SLC37A2: variants seen among roughly 807,000 people sequenced by gnomAD.
SLC37A2 encodes glucose-6-phosphate exchanger SLC37A2.
SLC37A2 carries 59 observed loss-of-function variants against 70.7 expected under a neutral mutation model. The ratio of observed to expected loss-of-function variants is 0.83; its 90% confidence interval spans 0.68 to 1.04. The LOEUF is 1.04. SLC37A2 is among the 50% of genes least tolerant of loss of function. The pLI, the probability that SLC37A2 is intolerant of heterozygous loss-of-function variation, is 0.00. For synonymous variants in SLC37A2, 257 were observed against 262.1 expected (o/e 0.98, Z 0.19); for missense variants, 580 against 658.1 (o/e 0.88, Z 1.30).
At chr11:125,075,007 C>T (rs188396428) in intron 1 of SLC37A2, among the ~76,000 whole-genome samples, 7 of 152,268 alleles carry the variant, frequency 4.6e-5, no homozygotes, top group African/African-American at 1.4e-4. Flanking sequence ...GCTGTGTTCT[C>T]TTATCTTGTG....
chr11:125,067,624 G>C (rs985127654), intron 1 of SLC37A2, among the ~76,000 whole-genome samples: 1 of 152,096 alleles, frequency 6.6e-6, no homozygotes, highest in African/African-American at 2.4e-5. Flanking sequence ...AAATCTTTGT[G>C]GTTTTCCAGG....
chr11:125,081,740 T>C lies in SLC37A2; in HGVS notation c.733-14T>C. On this transcript the variant is annotated splice_polypyrimidine_tract_variant and intron_variant, in intron 8 of 17. Transcript: ENST00000403796. ...ATGGACGCACCCACAGCAGGGCTCA[T>C]CTCCTCTGCTCAGGGTGAGCCAGCT... The C allele has an allele frequency of 1.3e-6, 2 of 1,565,178 alleles. No homozygotes were observed. Among genetic ancestry groups the C allele is most frequent in the Non-Finnish European group, 1.7e-6 (2 of 1,153,752 alleles).
chr11:125,088,063 G>A (rs1949242223), intron 17 of SLC37A2, 56 bp from the exon 18 acceptor site: 7 of 1,544,726 alleles, frequency 4.5e-6, no homozygotes, highest in Non-Finnish European at 6.1e-6. Context: ...CTACTCAGCA[G>A]GAGCTTATGA....
intron 10 of SLC37A2, among the ~76,000 whole-genome samples, chr11:125,082,836 G>A (rs1949164893): frequency 6.6e-6 from 1 of 152,146 alleles, no homozygotes; most frequent in South Asian, 2.1e-4. Context: ...TGGATCTGCT[G>A]GGCTGCACTG....
At chr11:125,081,224 C>A (rs1214091515) in intron 7 of SLC37A2, among the ~76,000 whole-genome samples, 197 bp from the exon 8 acceptor site, 1 of 152,084 alleles carries the variant, frequency 6.6e-6, no homozygotes, top group African/African-American at 2.4e-5. Flanking sequence ...TTAGGAAAGC[C>A]AGGCCTAGAA....
chr11:125,085,620 G>A lies in SLC37A2; in HGVS notation c.1371G>A (p.Thr457=), dbSNP rs777225634. 28 of 1,613,618 alleles carry A rather than the reference G, an allele frequency of 1.7e-5. No homozygotes were observed. The Admixed American group carries it at 1.8e-4, about 11-fold the overall frequency. ...GPLLAGLISP[T]GWNNVFYMLI... ...TGCTGGCTGGGCTCATCTCCCCCAC[G>A]GGCTGGAACAATGTCTTCTACATGC... is the stretch of plus-strand genomic sequence containing the variant. The change falls in exon 16 of 18, where the codon ACG becomes ACA. Residue 457 remains threonine, a synonymous_variant. Coordinates refer to ENST00000403796, the MANE Select transcript of SLC37A2 (RefSeq NM_001145290.2).
At chr11:125,077,640 A>G (rs993776737) in intron 4 of SLC37A2, 112 bp downstream of exon 4, 6 of 763,984 alleles carry the variant, frequency 7.9e-6, no homozygotes, top group African/African-American at 1.8e-5. Flanking sequence ...TGCATGTACA[A>G]TCCACCCACA....
chr11:125,065,290 T>G (rs1295115369), intron 1 of SLC37A2, among the ~76,000 whole-genome samples: 1 of 152,252 alleles, frequency 6.6e-6, no homozygotes, highest in Admixed American at 6.5e-5. Flanking sequence ...ATAAAGCTGA[T>G]CTCATTGGAT....
At chr11:125,078,384 T>C (rs1362429181) in intron 4 of SLC37A2, among the ~76,000 whole-genome samples, 1 of 152,170 alleles carries the variant, frequency 6.6e-6, no homozygotes, top group Non-Finnish European at 1.5e-5. Context: ...AGAGTGATGC[T>C]GAGGTGGATG....
chr11:125,066,069 C>G (rs1948977372), intron 1 of SLC37A2, among the ~76,000 whole-genome samples: 2 of 152,202 alleles, frequency 1.3e-5, no homozygotes, highest in African/African-American at 4.8e-5. Context: ...CCCGCTGAAT[C>G]TTGGGTTAGC....
At chr11:125,081,317 C>A in intron 7 of SLC37A2, 104 bp from the exon 8 acceptor site, 1 of 1,193,508 alleles carries the variant, frequency 8.4e-7, no homozygotes, top group Non-Finnish European at 1.2e-6. Flanking sequence ...GGGGCTGGTT[C>A]CCGGGATGGC....
chr11:125,075,195 A>G (rs963807694), intron 1 of SLC37A2, among the ~76,000 whole-genome samples: 3 of 152,174 alleles, frequency 2.0e-5, no homozygotes, highest in Non-Finnish European at 4.4e-5. Flanking sequence ...TGCTATCTGT[A>G]GGACTGCAGG....
In SLC37A2 at chr11:125,088,333, A is replaced by G. The variant is rs1949245939; in HGVS notation, c.*199A>G. On this transcript the variant is annotated 3_prime_UTR_variant, in exon 18 of 18. Coordinates refer to ENST00000403796, the MANE Select transcript of SLC37A2 (RefSeq NM_001145290.2). The stretch of plus-strand genomic sequence containing the variant: ...AGGGGACTGCCAAGCATGAGGAAAT[A>G]GAAGATTCAGGGGCCTGAGCTCTGG... 1 of 623,048 alleles carries G rather than the reference A, an allele frequency of 1.6e-6. No homozygotes were observed. Among genetic ancestry groups the G allele is most frequent in the Non-Finnish European group, 2.8e-6 (1 of 361,134 alleles). The allele number at this position is 623,048 out of a possible 1,614,324, so 38.6% of individuals were successfully genotyped here.
rs1217778338 is a variant in SLC37A2 at position 125,080,179 on chromosome 11, G to A, written c.527+419G>A. 6.6e-6 allele frequency among the ~76,000 whole-genome samples: 1 copy of A among 152,158 alleles called. No homozygotes were observed. The highest frequency in any genetic ancestry group is 1.5e-5 in the Non-Finnish European group (1 of 68,026). ...TCCTACCACTGCAGGCTGTTTAGTA[G>A]TAGCCTTCCTGGCATCTGCTCACTG... is the stretch of plus-strand genomic sequence containing the variant. On this transcript the variant is annotated intron_variant, in intron 6 of 17. Transcript: ENST00000403796. This position sits in a 1 kb window ranked among gnomAD's most constrained non-coding sequence, Gnocchi z 4.3.
At chr11:125,075,856 C>A (rs1949080690) in intron 1 of SLC37A2, among the ~76,000 whole-genome samples, 1 of 152,196 alleles carries the variant, frequency 6.6e-6, no homozygotes, top group African/African-American at 2.4e-5. Flanking sequence ...TTTTTCCTGA[C>A]CCTTCTCCAT....
rs748871195 is a variant in SLC37A2, at chr11:125,085,625, G to A, written c.1376G>A (p.Trp459Ter). ...GCTGGGCTCATCTCCCCCACGGGCT[G>A]GAACAATGTCTTCTACATGCTCATC... Reference protein sequence around the residue: ...LLAGLISPTGWNNVFYMLISA... With the variant: ...LLAGLISPTG The change falls in exon 16 of 18, where the codon TGG becomes TAG. Residue 459 changes from tryptophan to a stop codon, truncating the protein, a stop_gained. Coordinates refer to ENST00000403796, the MANE Select transcript of SLC37A2 (RefSeq NM_001145290.2). LOFTEE classifies it high-confidence loss of function. 5.0e-6 allele frequency: 8 copies of A among 1,613,778 alleles called. No homozygotes were observed. The highest frequency in any genetic ancestry group is 5.9e-6 in the Non-Finnish European group (7 of 1,180,012).
chr11:125,084,823 A>T lies in SLC37A2; in HGVS notation c.1126-2A>T, dbSNP rs1359596815. The T allele has an allele frequency of 6.2e-7, 1 of 1,613,360 alleles. No homozygotes were observed. Among genetic ancestry groups the T allele is most frequent in the Admixed American group, 1.7e-5 (1 of 59,954 alleles). ...CTCTGCCTCTCCCCTCTCCTCTCTCAGATGTTCCTGTACAACTACATTGGC... is the reference window on the plus strand; with the variant it reads ...CTCTGCCTCTCCCCTCTCCTCTCTCTGATGTTCCTGTACAACTACATTGGC... On this transcript the variant is annotated splice_acceptor_variant, in intron 12 of 17. Transcript: ENST00000403796. LOFTEE classifies it high-confidence loss of function.
At chr11:125,075,279 A>G (rs1450627747) in intron 1 of SLC37A2, among the ~76,000 whole-genome samples, 1 of 152,206 alleles carries the variant, frequency 6.6e-6, no homozygotes, top group East Asian at 1.9e-4. Context: ...GATTTCCCTC[A>G]GATTCTAGAA....
rs1949247618 is a variant in SLC37A2, at chr11:125,088,514, C to T, written c.*380C>T. 4.9e-6 allele frequency: 1 copy of T among 205,684 alleles called. No individual in the cohort carries two copies. The highest frequency in any genetic ancestry group is 9.8e-6 in the Non-Finnish European group (1 of 101,992). 12.7% of individuals were successfully genotyped at this position (205,684 alleles called of 1,614,324 possible). ...GGGCATCTCTCCTTCCCATGTTAAG[C>T]TTTAACCTCTGTAATCTGCCTGTAT... On this transcript the variant is annotated 3_prime_UTR_variant, in exon 18 of 18. Transcript: ENST00000403796.
Sources: gnomAD v4.1 joint callset for allele counts (sites outside exome capture counted in the v4.1 genomes callset) on GRCh38, gnomAD v4.1.1 for gene constraint, Gnocchi (gnomAD v3.1) non-coding constraint, MANE v1.5 for transcripts, NCBI Gene and HGNC (gene_info 2026-07-23, HGNC 2026-07-21) for gene names.